The following FSIP2 variants were observed in gnomAD, a reference collection of about 807,000 sequenced individuals.
FSIP2 encodes the protein fibrous sheath interacting protein 2, also known as fibrous sheath-interacting protein 2.
A neutral mutation model predicts 510.5 loss-of-function variants in FSIP2; 367 were observed. That is an observed-to-expected ratio of 0.72 (90% CI 0.66 to 0.78). The LOEUF is 0.78. FSIP2 is among the 30% of genes least tolerant of loss of function. The pLI is 0.00. For synonymous variants in FSIP2, 2,601 were observed against 2,732.2 expected, an observed-to-expected ratio of 0.95 and a Z score of 1.50; for missense variants, 7,594 against 7,901.7, an observed-to-expected ratio of 0.96 and a Z score of 1.48.
At chr2:185,824,154 G>C (rs772007296) in intron 19 of FSIP2, among the ~76,000 whole-genome samples, 8 of 151,822 alleles carry the variant, frequency 5.3e-5, no homozygotes, top group Non-Finnish European at 1.2e-4. Flanking sequence ...TCTGGAGCTG[G>C]ATGGTAGTGA....
chr2:185,780,099 A>G (rs1173235124), intron 13 of FSIP2, among the ~76,000 whole-genome samples: 1 of 151,768 alleles, frequency 6.6e-6, no homozygotes, highest in Non-Finnish European at 1.5e-5. Flanking sequence ...GTTTTGTTTA[A>G]TTATTTTACT....
intron 9 of FSIP2, among the ~76,000 whole-genome samples, chr2:185,759,055 C>T (rs1313991594): frequency 6.6e-6 from 1 of 151,022 alleles, no homozygotes; most frequent in African/African-American, 2.4e-5. Context: ...CTGTCTAGGA[C>T]CTCCAGTACA....
At chr2:185,779,305 T>TA (rs933849465) in intron 13 of FSIP2, among the ~76,000 whole-genome samples, 4 of 151,776 alleles carry the variant, frequency 2.6e-5, no homozygotes, top group Non-Finnish European at 2.9e-5. Context: ...ATCTAGTTTT[T>TA]TTTTTACTGT....
At chr2:185,821,009 TAAA>T (rs59331328) in intron 19 of FSIP2, among the ~76,000 whole-genome samples, 11,979 of 73,104 alleles carry the variant, frequency 0.16, 883 homozygotes, top group Admixed American at 0.21. Context: ...GTTGGTTCGT[TAAA>T]AAAAAAAAAA....
intron 5 of FSIP2, among the ~76,000 whole-genome samples, chr2:185,746,365 T>C (rs1031055945): frequency 3.3e-5 from 5 of 152,066 alleles, no homozygotes; most frequent in African/African-American, 1.2e-4. Context: ...TTAAACCTAC[T>C]GAGTTATGAA....
chr2:185,809,008 G>A lies in FSIP2; in HGVS notation c.19702G>A (p.Glu6568Lys). 6.2e-7 allele frequency: 1 copy of A among 1,612,806 alleles called. No homozygotes were observed. The highest frequency in any genetic ancestry group is 8.5e-7 in the Non-Finnish European group (1 of 1,179,480). Residue 6568 changes from glutamate (E) to lysine (K), a missense_variant, in exon 17 of 23, where the codon GAA becomes AAA. By Grantham distance (56) the Glu-to-Lys change is moderately conservative. Transcript: ENST00000424728. ...GAAAAGAACTGGACATAGCATAGCA[G>A]AACTGAGAAGAGCATCAATAAGTGG... ...CLKRTGHSIA[E>K]LRRASISGRN...
chr2:185,829,105 G>A (rs1374946109), intron 21 of FSIP2, among the ~76,000 whole-genome samples: 1 of 151,868 alleles, frequency 6.6e-6, no homozygotes, highest in East Asian at 1.9e-4. Context: ...CAACAGAAGG[G>A]AAATGCTGAA....
chr2:185,795,603 G>C lies in FSIP2; in HGVS notation c.8467G>C (p.Val2823Leu). Reference protein sequence around the residue: ...KQQACFYLENVSSQLEHIFPR... With the variant: ...KQQACFYLENLSSQLEHIFPR... Reference sequence around the variant, plus strand: ...ACAAGCATGTTTTTACTTGGAGAATGTTTCTTCACAGCTAGAGCACATTTT... The same window carrying C: ...ACAAGCATGTTTTTACTTGGAGAATCTTTCTTCACAGCTAGAGCACATTTT... Residue 2823 changes from valine to leucine, a missense_variant, in exon 16 of 23, where the codon GTT becomes CTT. Coordinates refer to ENST00000424728, the MANE Select transcript of FSIP2 (RefSeq NM_173651.4). 6.5e-7 allele frequency: 1 copy of C among 1,535,006 alleles called. No homozygotes were observed. Among genetic ancestry groups the C allele is most frequent in the Non-Finnish European group, 8.7e-7 (1 of 1,146,050 alleles).
At position 185,793,467 on chromosome 2, in the gene FSIP2, C is replaced by G. The variant is rs1231900461; in HGVS notation, c.6331C>G (p.Leu2111Val). 6.5e-7 allele frequency: 1 copy of G among 1,534,386 alleles called. No individual in the cohort carries two copies. The highest frequency in any genetic ancestry group is 2.0e-5 in the Admixed American group (1 of 50,884). The change falls in exon 16 of 23, where the codon CTC becomes GTC. Residue 2111 changes from leucine to valine, a missense_variant. Transcript: ENST00000424728. ...IYEKTLFQNN[L>V]SFATPTLKCS... The stretch of plus-strand genomic sequence containing the variant: ...TGAAAAAACCCTGTTTCAGAATAAT[C>G]TCTCATTTGCCACACCCACTCTGAA...
intron 22 of FSIP2, among the ~76,000 whole-genome samples, chr2:185,832,519 C>G (rs1183387322): frequency 6.6e-6 from 1 of 151,532 alleles, no homozygotes; most frequent in Non-Finnish European, 1.5e-5. Flanking sequence ...TTTTAGTGGC[C>G]CTATCGCAAC....
Position 185,805,730 on chromosome 2 carries a change from T to C in FSIP2, c.16424T>C (p.Phe5475Ser). 6.2e-7 allele frequency: 1 copy of C among 1,606,290 alleles called. No individual in the cohort carries two copies. The highest frequency in any genetic ancestry group is 8.5e-7 in the Non-Finnish European group (1 of 1,177,454). ...GGTACAATGAATAGAAAGAAAAGTT[T>C]TAAAACCAAGGACACATCAGTGAAA... Reference protein sequence around the residue: ...NRGTMNRKKSFKTKDTSVKKG... With the variant: ...NRGTMNRKKSSKTKDTSVKKG... Residue 5475 changes from phenylalanine (F) to serine (S), a missense_variant, in exon 17 of 23, where the codon TTT becomes TCT. Coordinates refer to ENST00000424728, the MANE Select transcript of FSIP2 (RefSeq NM_173651.4).
At chr2:185,771,206 C>G (rs928407691) in intron 13 of FSIP2, among the ~76,000 whole-genome samples, 6 of 152,154 alleles carry the variant, frequency 3.9e-5, no homozygotes, top group African/African-American at 1.4e-4. Flanking sequence ...ATGCTGGGAT[C>G]TGGAGTGCAT....
intron 11 of FSIP2, among the ~76,000 whole-genome samples, chr2:185,762,442 G>T (rs2105558958): frequency 6.6e-6 from 1 of 151,332 alleles, no homozygotes; most frequent in South Asian, 2.1e-4. Flanking sequence ...TTATGTTTAT[G>T]CAAGTCACTA....
In FSIP2 at chr2:185,796,493, T is replaced by C. The variant is rs1693281842; in HGVS notation, c.9357T>C (p.Ser3119=). 6.5e-7 allele frequency: 1 copy of C among 1,534,856 alleles called. No individual in the cohort carries two copies. The highest frequency in any genetic ancestry group is 8.7e-7 in the Non-Finnish European group (1 of 1,146,172). ...TATTGAAAGAGAACATTGTAGCAAG[T>C]GAGATCATTGGCACACTAATGGACC... ...ISILKENIVA[S]EIIGTLMDQC... Residue 3119 remains serine, a synonymous_variant, in exon 16 of 23, where the codon AGT becomes AGC. Coordinates refer to ENST00000424728, the MANE Select transcript of FSIP2 (RefSeq NM_173651.4).
intron 13 of FSIP2, among the ~76,000 whole-genome samples, chr2:185,777,655 G>A (rs1289139162): frequency 1.3e-5 from 2 of 151,926 alleles, no homozygotes; most frequent in African/African-American, 4.8e-5. Flanking sequence ...TATCTGTTAA[G>A]GCTATCATAT....
chr2:185,743,372 C>G (rs894549120), intron 3 of FSIP2, 78 bp downstream of exon 3: 83 of 875,020 alleles, frequency 9.5e-5, no homozygotes, highest in Non-Finnish European at 1.3e-4. Context: ...GTACCTCACT[C>G]GGGGGGCCTG....
intron 13 of FSIP2, among the ~76,000 whole-genome samples, chr2:185,769,924 G>A (rs1310026577): frequency 6.6e-6 from 1 of 151,932 alleles, no homozygotes; most frequent in Admixed American, 6.6e-5. Context: ...ATGGTTGCAG[G>A]CCTATATATC....
chr2:185,809,248 G>A, intron 17 of FSIP2, 115 bp downstream of exon 17: 1 of 1,151,052 alleles, frequency 8.7e-7, no homozygotes, highest in Non-Finnish European at 1.2e-6. Context: ...GTGTTTCTCA[G>A]CCCAATAGGA....
chr2:185,828,267 A>G, intron 21 of FSIP2, 68 bp downstream of exon 21: 2 of 870,342 alleles, frequency 2.3e-6, no homozygotes, highest in Non-Finnish European at 3.8e-6. Context: ...CAGTTTTCAT[A>G]GTTCAGTCAG....
Sources: gnomAD v4.1 joint callset for allele counts (sites outside exome capture counted in the v4.1 genomes callset) on GRCh38, gnomAD v4.1.1 for gene constraint, MANE v1.5 for transcripts, NCBI Gene and HGNC (gene_info 2026-07-23, HGNC 2026-07-21) for gene names.